Variants in CCDC152 observed in about 807,000 individuals in gnomAD.
CCDC152 encodes the protein coiled-coil domain containing 152.
Under a neutral mutation model 38.1 loss-of-function variants are expected in CCDC152, and 37 were observed. The observed-to-expected ratio is 0.97, with a 90% CI of 0.75 to 1.28. The LOEUF (loss-of-function observed/expected upper bound fraction) is 1.28. CCDC152 is among the 50% of genes most tolerant of loss of function. The pLI, the probability that CCDC152 is intolerant of heterozygous loss-of-function variation, is 0.00. For synonymous variants in CCDC152, 83 were observed against 87.1 expected (o/e 0.95, Z 0.26); for missense variants, 259 against 292.1 (o/e 0.89, Z 0.83).
intron 3 of CCDC152, among the ~76,000 whole-genome samples, chr5:42,766,360 T>C (rs1561272760): frequency 6.6e-6 from 1 of 152,038 alleles, no homozygotes; most frequent in Non-Finnish European, 1.5e-5. Flanking sequence ...GCCTGGAGGC[T>C]CTTTGAAAAA....
intron 4 of CCDC152, among the ~76,000 whole-genome samples, chr5:42,777,814 G>A (rs1037714112): frequency 5.9e-5 from 9 of 151,774 alleles, no homozygotes; most frequent in Non-Finnish European, 1.2e-4. Context: ...CTAAAGCATT[G>A]TTCAGATAAT....
intron 3 of CCDC152, among the ~76,000 whole-genome samples, chr5:42,764,926 C>T (rs1201351598): frequency 6.6e-6 from 1 of 152,064 alleles, no homozygotes; most frequent in Non-Finnish European, 1.5e-5. Flanking sequence ...CTAGCTAGAG[C>T]AATCAGACAA....
At chr5:42,791,387 G>A (rs1375879544) in intron 6 of CCDC152, among the ~76,000 whole-genome samples, 1 of 152,180 alleles carries the variant, frequency 6.6e-6, no homozygotes, top group Admixed American at 6.5e-5. Flanking sequence ...ATCCCCATGG[G>A]TATTAATAAA....
At position 42,799,236 on chromosome 5, in the gene CCDC152, A is replaced by T. The variant is rs1342215526; in HGVS notation, c.559-139A>T. On this transcript the variant is annotated intron_variant, in intron 7 of 8. Transcript: ENST00000361970. Reference sequence around the variant, plus strand: ...TTTCTGAAAAATTATTTCTTAAAGAAAGATTTTTCTATTGTCTATACTGTA... The same window carrying T: ...TTTCTGAAAAATTATTTCTTAAAGATAGATTTTTCTATTGTCTATACTGTA... 5 of 459,226 alleles carry T rather than the reference A, an allele frequency of 1.1e-5. No homozygotes were observed. The South Asian group carries it at 1.8e-4, about 17-fold the overall frequency. The allele number at this position is 459,226 out of a possible 1,614,324, so 28.4% of individuals were successfully genotyped here.
intron 4 of CCDC152, among the ~76,000 whole-genome samples, chr5:42,775,292 AT>A (rs2111557599): frequency 6.6e-6 from 1 of 152,284 alleles, no homozygotes; most frequent in South Asian, 2.1e-4. Flanking sequence ...ACTGTAGAAA[AT>A]AAAAAACAAA....
intron 1 of CCDC152, among the ~76,000 whole-genome samples, chr5:42,757,094 T>TAG (rs2111928152): frequency 6.6e-6 from 1 of 150,790 alleles, no homozygotes; most frequent in East Asian, 2.0e-4. Flanking sequence ...GCTTTTTCCA[T>TAG]AGAGATGCTT....
chr5:42,758,986 C>G, intron 1 of CCDC152, 134 bp from the exon 2 acceptor site: 1 of 545,472 alleles, frequency 1.8e-6, no homozygotes, highest in Non-Finnish European at 3.2e-6. Context: ...CAAAAATTCT[C>G]GCAGTGCAAT....
rs1760225844 is a variant in CCDC152 at position 42,802,318 on chromosome 5, G to A, written c.*2537G>A. 1 of 152,118 alleles carries A rather than the reference G, an allele frequency of 6.6e-6. No individual in the cohort carries two copies. Among genetic ancestry groups the A allele is most frequent in the Admixed American group, 6.5e-5 (1 of 15,268 alleles). The allele number at this position is 152,118 out of a possible 1,614,324, so 9.4% of individuals were successfully genotyped here. On this transcript the variant is annotated 3_prime_UTR_variant, in exon 9 of 9. Transcript: ENST00000361970. Reference sequence around the variant, plus strand: ...ATGTAACAGTAAATCTCAACCTAAGGCTAATTTGCAAATAAAATTACAAAA... The same window carrying A: ...ATGTAACAGTAAATCTCAACCTAAGACTAATTTGCAAATAAAATTACAAAA...
At chr5:42,779,878 T>A (rs1462948400) in intron 5 of CCDC152, among the ~76,000 whole-genome samples, 1 of 152,186 alleles carries the variant, frequency 6.6e-6, no homozygotes, top group Non-Finnish European at 1.5e-5. Context: ...TGAACTTTCT[T>A]ATTATAATGT....
At chr5:42,788,661 A>G (rs1759957641) in intron 6 of CCDC152, among the ~76,000 whole-genome samples, 1 of 152,166 alleles carries the variant, frequency 6.6e-6, no homozygotes, top group African/African-American at 2.4e-5. Context: ...TGTTCTTTAT[A>G]TATTTTTGGA....
At chr5:42,790,448 G>A (rs1759984195) in intron 6 of CCDC152, among the ~76,000 whole-genome samples, 1 of 152,142 alleles carries the variant, frequency 6.6e-6, no homozygotes, top group African/African-American at 2.4e-5. Flanking sequence ...TTATTACTGG[G>A]ACTATAAAAT....
intron 1 of CCDC152, 46 bp from the exon 2 acceptor site, chr5:42,759,074 G>A (rs1156648351): frequency 2.3e-6 from 3 of 1,308,556 alleles, no homozygotes; most frequent in African/African-American, 3.0e-5. Context: ...TGGTGCTTTA[G>A]ATCTTATTTA....
chr5:42,792,993 T>G (rs1375906328), intron 6 of CCDC152, among the ~76,000 whole-genome samples: 1 of 152,210 alleles, frequency 6.6e-6, no homozygotes, highest in Non-Finnish European at 1.5e-5. Context: ...CCCAAAGACC[T>G]GTTTGTGAAT....
chr5:42,788,275 T>A (rs1156743419), intron 6 of CCDC152, among the ~76,000 whole-genome samples: 1 of 151,648 alleles, frequency 6.6e-6, no homozygotes, highest in Non-Finnish European at 1.5e-5. Context: ...TTCTGGCTTG[T>A]AAGGCTTCTG....
intron 3 of CCDC152, among the ~76,000 whole-genome samples, 169 bp downstream of exon 3, chr5:42,762,717 G>A (rs1759569219): frequency 6.6e-6 from 1 of 152,106 alleles, no homozygotes; most frequent in African/African-American, 2.4e-5. Flanking sequence ...CATGTAAGAT[G>A]GGTATTATTA....
At position 42,783,465 on chromosome 5, in the gene CCDC152, A is replaced by T. The variant is rs1759875602; in HGVS notation, c.328-9A>T. The T allele has an allele frequency of 8.8e-7, 1 of 1,133,270 alleles. No homozygotes were observed. Among genetic ancestry groups the T allele is most frequent in the East Asian group, 3.6e-5 (1 of 27,856 alleles). 70.2% of individuals were successfully genotyped at this position (1,133,270 alleles called of 1,614,324 possible). A position where few individuals can be genotyped will look rare whatever the true frequency, so the allele number is the denominator to read the frequency against. ...AATTTTAAAAATTAATATATATTTT[A>T]ATCTTTAGGAATATAAGAATAATAT... is the stretch of plus-strand genomic sequence containing the variant. On this transcript the variant is annotated splice_polypyrimidine_tract_variant and intron_variant, in intron 5 of 8. Transcript: ENST00000361970.
In CCDC152 at chr5:42,762,457, C is replaced by A; in HGVS notation, c.102C>A (p.Thr34=). The A allele has an allele frequency of 6.7e-7, 1 of 1,500,692 alleles. No individual in the cohort carries two copies. Among genetic ancestry groups the A allele is most frequent in the Non-Finnish European group, 9.0e-7 (1 of 1,105,974 alleles). 93.0% of individuals were successfully genotyped at this position (1,500,692 alleles called of 1,614,324 possible). ...TTCTTCTACAGAAAATGGTAGAAAC[C>A]AATGGAAAGAACAATATACTGGATA... ...FSQIEKKMVE[T]NGKNNILDIQ... Residue 34 remains threonine, a synonymous_variant, in exon 3 of 9, where the codon ACC becomes ACA. Transcript: ENST00000361970.
intron 4 of CCDC152, among the ~76,000 whole-genome samples, chr5:42,779,159 T>C (rs1260419867): frequency 2.0e-5 from 3 of 152,178 alleles, no homozygotes; most frequent in Non-Finnish European, 4.4e-5. Context: ...CAAGCTGCCC[T>C]AGGTTTTCTT....
At chr5:42,783,655 A>G (rs1759878223) in intron 6 of CCDC152, 79 bp downstream of exon 6, 1 of 580,872 alleles carries the variant, frequency 1.7e-6, no homozygotes, top group Non-Finnish European at 2.4e-6. Flanking sequence ...GGTATTTTGT[A>G]TAATGCTGGT....
Sources: allele counts gnomAD v4.1 joint callset (sites outside exome capture counted in the v4.1 genomes callset), GRCh38; gene constraint gnomAD v4.1.1; transcripts MANE v1.5; gene names NCBI Gene and HGNC (gene_info 2026-07-23, HGNC 2026-07-21).